The following ZBTB20 variants were observed in gnomAD, a reference collection of about 807,000 sequenced individuals.
ZBTB20 encodes the protein zinc finger and BTB domain-containing protein 20.
A neutral mutation model predicts 56.9 loss-of-function variants in ZBTB20; 9 were observed. The observed-to-expected ratio is 0.16, with a 90% CI of 0.10 to 0.28. The LOEUF (loss-of-function observed/expected upper bound fraction) is 0.28. Among genes scored for constraint, ZBTB20 ranks in the 10% least tolerant of loss-of-function variants. ZBTB20 has a pLI of 1.00. For missense variants in ZBTB20, 655 were observed against 1,003.0 expected (o/e 0.65, Z 4.69); for synonymous variants, 417 against 420.7 (o/e 0.99, Z 0.11).
At chr3:114,982,498 G>C (rs1368041062) in intron 2 of ZBTB20, among the ~76,000 whole-genome samples, 18 of 151,958 alleles carry the variant, frequency 1.2e-4, no homozygotes, top group African/African-American at 3.9e-4. Context: ...ATTCCATGAA[G>C]AGAAAAGGCT....
intron 6 of ZBTB20, among the ~76,000 whole-genome samples, chr3:114,635,339 T>A (rs1460730317): frequency 6.6e-6 from 1 of 152,096 alleles, no homozygotes; most frequent in Non-Finnish European, 1.5e-5. Flanking sequence ...AGGTCTCTAC[T>A]CATCAAAACT....
intron 1 of ZBTB20, among the ~76,000 whole-genome samples, chr3:115,120,576 C>T (rs1411295244): frequency 1.3e-5 from 2 of 152,014 alleles, no homozygotes; most frequent in East Asian, 1.9e-4. Flanking sequence ...GGGCAAATTG[C>T]AGAATGTCAA....
At chr3:114,745,087 A>G (rs2066926742) in intron 5 of ZBTB20, among the ~76,000 whole-genome samples, 1 of 152,206 alleles carries the variant, frequency 6.6e-6, no homozygotes, top group African/African-American at 2.4e-5. Flanking sequence ...TAATATACCA[A>G]AAATATAGAC....
intron 7 of ZBTB20, among the ~76,000 whole-genome samples, chr3:114,469,040 G>GTT (rs933555516): frequency 7.4e-5 from 10 of 134,310 alleles, no homozygotes; most frequent in Admixed American, 4.4e-4. Context: ...AAAAAATCTA[G>GTT]TTTTTTTTTG....
intron 7 of ZBTB20, among the ~76,000 whole-genome samples, chr3:114,448,633 A>G (rs2091417588): frequency 6.6e-6 from 1 of 152,172 alleles, no homozygotes; most frequent in African/African-American, 2.4e-5. Context: ...AAAACTTCTA[A>G]CACAGTAACA....
chr3:114,846,999 T>C (rs1421640936), intron 4 of ZBTB20, among the ~76,000 whole-genome samples: 1 of 152,186 alleles, frequency 6.6e-6, no homozygotes, highest in Non-Finnish European at 1.5e-5. Context: ...GATCTAAAAA[T>C]ATCTTAGTCC....
At chr3:114,708,618 A>C (rs2063860793) in intron 5 of ZBTB20, among the ~76,000 whole-genome samples, 1 of 152,202 alleles carries the variant, frequency 6.6e-6, no homozygotes, top group African/African-American at 2.4e-5. Flanking sequence ...TATGCAGTTT[A>C]AGAAATCATA....
At chr3:114,591,231 T>C (rs1381761293) in intron 6 of ZBTB20, among the ~76,000 whole-genome samples, 1 of 152,234 alleles carries the variant, frequency 6.6e-6, no homozygotes, top group Non-Finnish European at 1.5e-5. Context: ...AGAACAAGCA[T>C]GAATAAGTAT....
chr3:114,372,964 TAGA>T (rs1312632897), intron 10 of ZBTB20, among the ~76,000 whole-genome samples: 1 of 152,192 alleles, frequency 6.6e-6, no homozygotes, highest in Non-Finnish European at 1.5e-5. Context: ...GTCACTAGGC[TAGA>T]GTGCAGTGGT....
intron 5 of ZBTB20, among the ~76,000 whole-genome samples, chr3:114,787,795 A>G (rs1047561712): frequency 4.6e-5 from 7 of 152,164 alleles, no homozygotes; most frequent in Non-Finnish European, 7.4e-5. Flanking sequence ...GCTCAAATAA[A>G]GCCATGGTTT....
chr3:114,877,899 T>C (rs1455421513), intron 4 of ZBTB20, among the ~76,000 whole-genome samples: 1 of 152,162 alleles, frequency 6.6e-6, no homozygotes, highest in Non-Finnish European at 1.5e-5. Context: ...AATGGCTCTG[T>C]ATTGTACTGA....
chr3:114,658,854 A>C (rs1337356105), intron 6 of ZBTB20: 3 of 152,128 alleles, frequency 2.0e-5, no homozygotes, highest in African/African-American at 7.2e-5. Flanking sequence ...CACCAGACCA[A>C]TTATCCTGGC....
At chr3:114,391,340 ACACTC>A (rs1576558780) in intron 7 of ZBTB20, among the ~76,000 whole-genome samples, 2 of 152,086 alleles carry the variant, frequency 1.3e-5, no homozygotes, top group Admixed American at 6.5e-5. Flanking sequence ...TCTTATCTCT[ACACTC>A]CATTCTACGC....
chr3:114,970,876 AT>A (rs2077850334), intron 3 of ZBTB20, among the ~76,000 whole-genome samples: 1 of 152,066 alleles, frequency 6.6e-6, no homozygotes. Context: ...TTAGCCAGGC[AT>A]GGTAGTGGGC....
At chr3:114,594,917 T>C (rs2056176495) in intron 6 of ZBTB20, among the ~76,000 whole-genome samples, 1 of 152,230 alleles carries the variant, frequency 6.6e-6, no homozygotes, top group African/African-American at 2.4e-5. Flanking sequence ...TTGTGTTTCT[T>C]CATTAGAAGC....
chr3:115,111,041 T>G, intron 1 of ZBTB20, among the ~76,000 whole-genome samples: 1 of 148,690 alleles, frequency 6.7e-6, no homozygotes, highest in East Asian at 2.0e-4. Flanking sequence ...AATAAATAAA[T>G]AAATAAAAAT....
intron 2 of ZBTB20, among the ~76,000 whole-genome samples, chr3:115,033,562 T>C (rs1328556384): frequency 6.6e-6 from 1 of 151,646 alleles, no homozygotes; most frequent in Non-Finnish European, 1.5e-5. Flanking sequence ...ATCAAAGAGG[T>C]ATCTGCACTC....
At chr3:114,620,129 TG>T (rs2058219217) in intron 6 of ZBTB20, among the ~76,000 whole-genome samples, 1 of 152,198 alleles carries the variant, frequency 6.6e-6, no homozygotes, top group Non-Finnish European at 1.5e-5. Context: ...GAAGATCCCA[TG>T]TTCCATCAGA....
At chr3:114,837,567 T>G (rs1360805738) in intron 4 of ZBTB20, among the ~76,000 whole-genome samples, 1 of 152,070 alleles carries the variant, frequency 6.6e-6, no homozygotes, top group Non-Finnish European at 1.5e-5. Context: ...TCTTCACATG[T>G]GAAGGTCTTC....
Sources: allele counts gnomAD v4.1 joint callset (sites outside exome capture counted in the v4.1 genomes callset), GRCh38; gene constraint gnomAD v4.1.1; transcripts MANE v1.5; gene names NCBI Gene and HGNC (gene_info 2026-07-23, HGNC 2026-07-21).